The following CACNA1E variants were observed in gnomAD, a reference collection of about 807,000 sequenced individuals.
The protein encoded by CACNA1E is calcium voltage-gated channel subunit alpha1 E.
Under a neutral mutation model 259.2 loss-of-function variants are expected in CACNA1E, and 40 were observed. That is an observed-to-expected ratio of 0.15 (90% confidence interval 0.12 to 0.20). The LOEUF (loss-of-function observed/expected upper bound fraction) is 0.20. CACNA1E is among the 10% of genes least tolerant of loss of function. The probability of loss-of-function intolerance (pLI) is 1.00; values close to 1 mark genes in which losing one functional copy is unlikely to be tolerated. For synonymous variants in CACNA1E, 1,104 were observed against 1,138.5 expected, an observed-to-expected ratio of 0.97 and a Z score of 0.61; for missense variants, 1,874 against 3,040.1, an observed-to-expected ratio of 0.62 and a Z score of 9.02.
At chr1:181,437,258 A>G (rs1008454687) in intron 2 of CACNA1E, among the ~76,000 whole-genome samples, 1 of 152,172 alleles carries the variant, frequency 6.6e-6, no homozygotes, top group African/African-American at 2.4e-5. Flanking sequence ...AAAATTTTCC[A>G]CATTTGCTCT....
At chr1:181,651,310 AT>A (rs1445016632) in intron 6 of CACNA1E, 27 bp from the exon 7 acceptor site, 1 of 1,453,384 alleles carries the variant, frequency 6.9e-7, no homozygotes, top group Non-Finnish European at 9.7e-7. Flanking sequence ...GGCTTTAAGT[AT>A]TAAGGAACCA....
At position 181,721,796 on chromosome 1, in the gene CACNA1E, T is replaced by C. The variant is rs557999374; in HGVS notation, c.1995T>C (p.Asn665=). Residue 665 remains asparagine, a synonymous_variant, in exon 16 of 48, where the codon AAT becomes AAC. Transcript: ENST00000367573. ...AGGACTGGAATGAGGTGATGTACAA[T>C]GGGATCCGCTCCCAGGGTGGGGTCA... ...TGEDWNEVMY[N]GIRSQGGVSS... 6.2e-7 allele frequency: 1 copy of C among 1,613,604 alleles called. No individual in the cohort carries two copies. The highest frequency in any genetic ancestry group is 1.1e-5 in the South Asian group (1 of 91,070).
intron 26 of CACNA1E, among the ~76,000 whole-genome samples, chr1:181,751,584 C>T (rs1339240559): frequency 6.6e-6 from 1 of 152,212 alleles, no homozygotes; most frequent in Non-Finnish European, 1.5e-5. Context: ...TTGCTGTCTC[C>T]TGAACTAATG....
chr1:181,756,240 G>A (rs1241040905), intron 29 of CACNA1E, 147 bp downstream of exon 29: 4 of 740,256 alleles, frequency 5.4e-6, no homozygotes. Flanking sequence ...AGGCAGAAAA[G>A]AGGAAGAATG....
rs67459960 is a variant in CACNA1E at position 181,590,416 on chromosome 1, A to AAT, written c.951+9659_951+9660dup. On this transcript the variant is annotated intron_variant, in intron 6 of 47. Transcript: ENST00000367573. Reference sequence around the variant, plus strand: ...GAGTCAATTACAAAAAAAAAAAAAAAATATATATATATATATATATTGTAT... The same window carrying AAT: ...GAGTCAATTACAAAAAAAAAAAAAAAATATATATATATATATATATATTGTAT... 5.1e-3 allele frequency among the ~76,000 whole-genome samples: 591 copies of AAT among 115,830 alleles called. 4 individuals are homozygous for AAT. The highest frequency in any genetic ancestry group is 0.019 in the African/African-American group (505 of 26,968). The allele number at this position is 115,830 out of a possible 152,430, so 76.0% of individuals were successfully genotyped here.
chr1:181,606,816 A>C (rs554253320), intron 6 of CACNA1E, among the ~76,000 whole-genome samples: 1 of 152,316 alleles, frequency 6.6e-6, no homozygotes, highest in African/African-American at 2.4e-5. Context: ...GCTGTCCTGC[A>C]TGCATGAGGG....
At chr1:181,678,669 G>A (rs1649619838) in intron 7 of CACNA1E, among the ~76,000 whole-genome samples, 1 of 152,148 alleles carries the variant, frequency 6.6e-6, no homozygotes, top group South Asian at 2.1e-4. Flanking sequence ...AAAGAGGGAG[G>A]CAATTTAGCA....
At chr1:181,355,590 AC>A (rs1653364869) in intron 1 of CACNA1E, among the ~76,000 whole-genome samples, 1 of 10,236 alleles carries the variant, frequency 9.8e-5, no homozygotes, top group African/African-American at 3.7e-4. Context: ...TCCATCTCAA[AC>A]AAAACAAAAC....
chr1:181,568,207 T>G (rs1253529889), intron 3 of CACNA1E, among the ~76,000 whole-genome samples: 2 of 152,138 alleles, frequency 1.3e-5, no homozygotes, highest in East Asian at 1.9e-4. Flanking sequence ...GAATCTACAT[T>G]CACCCACAGG....
intron 2 of CACNA1E, among the ~76,000 whole-genome samples, chr1:181,438,209 TGCACG>T (rs1558005124): frequency 6.6e-6 from 1 of 152,196 alleles, no homozygotes; most frequent in Non-Finnish European, 1.5e-5. Context: ...GAACATGATA[TGCACG>T]GCCACTTCCA....
chr1:181,354,007 A>T (rs1653236098), intron 1 of CACNA1E, among the ~76,000 whole-genome samples: 1 of 152,200 alleles, frequency 6.6e-6, no homozygotes, highest in African/African-American at 2.4e-5. Flanking sequence ...CACTTCTCTG[A>T]GTGTGGTCTA....
At chr1:181,349,752 G>A (rs987387166) in intron 1 of CACNA1E, among the ~76,000 whole-genome samples, 2 of 152,086 alleles carry the variant, frequency 1.3e-5, no homozygotes, top group African/African-American at 2.4e-5. Context: ...AGAGGACTCA[G>A]GGTTGTGTAG....
intron 7 of CACNA1E, among the ~76,000 whole-genome samples, chr1:181,668,532 ATGG>A (rs1648479045): frequency 1.3e-5 from 2 of 152,160 alleles, no homozygotes; most frequent in Non-Finnish European, 2.9e-5. Flanking sequence ...GCTGGGCCAT[ATGG>A]TAAGTGCATG....
chr1:181,438,235 T>A (rs1024681726), intron 2 of CACNA1E, among the ~76,000 whole-genome samples: 1 of 152,212 alleles, frequency 6.6e-6, no homozygotes. Context: ...CCCACTGCTT[T>A]CACTTCCGGC....
At position 181,466,567 on chromosome 1, in the gene CACNA1E, A is replaced by ACAAAG. The variant is rs199784277; in HGVS notation, c.435-17162_435-17158dup. Reference sequence around the variant, plus strand: ...TGTCTTAAACAAAACAAAAAATAAAACAAAGCAAAGCAAAGCAAAACAAAA... The same window carrying ACAAAG: ...TGTCTTAAACAAAACAAAAAATAAAACAAAGCAAAGCAAAGCAAAGCAAAACAAAA... On this transcript the variant is annotated intron_variant, in intron 2 of 11. Coordinates refer to the CACNA1E transcript ENST00000524607. 7.0e-3 allele frequency among the ~76,000 whole-genome samples: 1,067 copies of ACAAAG among 152,194 alleles called. 14 individuals are homozygous for ACAAAG. The highest frequency in any genetic ancestry group is 0.022 in the African/African-American group (900 of 41,516).
In CACNA1E at chr1:181,640,161, A is replaced by C. The variant is rs934263734; in HGVS notation, c.952-11177A>C. ...CCAGCCTGGGGACTGACTGTCCCCA[A>C]GGTCTGTCAAAGAGGTGATGGGAAG... is the stretch of plus-strand genomic sequence containing the variant. On this transcript the variant is annotated intron_variant, in intron 6 of 47. Coordinates refer to ENST00000367573, the MANE Select transcript of CACNA1E (RefSeq NM_001205293.3). Among the ~76,000 whole-genome samples the C allele has an allele frequency of 5.3e-5, 8 of 152,312 alleles. No homozygotes were observed. The East Asian group carries it at 1.5e-3, about 29-fold the overall frequency.
At chr1:181,766,860 A>G (rs894349970) in intron 35 of CACNA1E, among the ~76,000 whole-genome samples, 1 of 152,146 alleles carries the variant, frequency 6.6e-6, no homozygotes, top group African/African-American at 2.4e-5. Flanking sequence ...TCATGGTGCT[A>G]ATTCATAAGC....
rs1662199646 is a variant in CACNA1E at position 181,800,590 on chromosome 1, A to T, written c.*1756A>T. On this transcript the variant is annotated 3_prime_UTR_variant, in exon 48 of 48. Transcript: ENST00000367573. ...CCTTCCCCCACCAGGAACAGATGGA[A>T]CCTGCCACCCAGGATCCTGATCTGC... 6.6e-6 allele frequency: 1 copy of T among 152,494 alleles called. No homozygotes were observed. Among genetic ancestry groups the T allele is most frequent in the Non-Finnish European group, 1.5e-5 (1 of 68,094 alleles). 9.4% of individuals were successfully genotyped at this position (152,494 alleles called of 1,614,324 possible). A position where few individuals can be genotyped will look rare whatever the true frequency, so the allele number is the denominator to read the frequency against.
chr1:181,756,210 G>T, intron 29 of CACNA1E, 117 bp downstream of exon 29: 1 of 1,046,808 alleles, frequency 9.6e-7, no homozygotes. Flanking sequence ...GGAAAGTAAG[G>T]GGTTTTGAGA....
Sources: allele counts gnomAD v4.1 joint callset (sites outside exome capture counted in the v4.1 genomes callset), GRCh38; gene constraint gnomAD v4.1.1; transcripts MANE v1.5; gene names NCBI Gene and HGNC (gene_info 2026-07-23, HGNC 2026-07-21).